Variants in CRYAB observed in about 807,000 individuals in gnomAD.
The protein encoded by CRYAB is crystallin alpha B, also known as alpha-crystallin B chain.
In CRYAB, 9 loss-of-function variants were observed where a neutral mutation model predicts 12.7. The observed-to-expected ratio is 0.71, with a 90% CI of 0.43 to 1.24. The LOEUF (loss-of-function observed/expected upper bound fraction) is 1.24, where lower values mean the gene tolerates loss of function less well. Among genes scored for constraint, CRYAB ranks in the 50% most tolerant of loss-of-function variants. The pLI, the probability that CRYAB is intolerant of heterozygous loss-of-function variation, is 0.00. For missense variants in CRYAB, 183 were observed against 226.6 expected (o/e 0.81, Z 1.24); for synonymous variants, 93 against 86.8 (o/e 1.07, Z -0.40).
chr11:111,912,746 C>T, upstream of CRYAB: 1 of 1,112,568 alleles, frequency 9.0e-7, no homozygotes, highest in South Asian at 1.4e-5. Context: ...CCTATCGAGC[C>T]CTGGCTCTCC....
chr11:111,912,710 G>T, upstream of CRYAB: 113 of 360,858 alleles, frequency 3.1e-4, no homozygotes, highest in East Asian at 9.5e-4. Flanking sequence ...GCACTATTTT[G>T]GGTGGTGTCG....
intron 1 of CRYAB, chr11:111,918,687 TA>T: frequency 1.5e-6 from 1 of 684,464 alleles, no homozygotes; most frequent in Non-Finnish European, 2.7e-6. Flanking sequence ...GGTTTCTTTT[TA>T]TTGAAGCTTG....
intron 1 of CRYAB, 23 bp downstream of exon 1, chr11:111,911,501 G>A (rs372923942): frequency 1.1e-4 from 175 of 1,595,766 alleles, no homozygotes; most frequent in African/African-American, 8.4e-4. Flanking sequence ...GGACTCTCCC[G>A]TCCTAGCTGT....
intron 1 of CRYAB, among the ~76,000 whole-genome samples, chr11:111,921,615 A>C (rs1438088606): frequency 1.3e-5 from 2 of 152,208 alleles, no homozygotes; most frequent in Non-Finnish European, 2.9e-5. Context: ...AGCACAGAAA[A>C]GCTTCTAGAG....
upstream of CRYAB, among the ~76,000 whole-genome samples, chr11:111,917,084 G>C (rs1403661819): frequency 6.6e-6 from 1 of 152,030 alleles, no homozygotes; most frequent in Non-Finnish European, 1.5e-5. Flanking sequence ...GGTTGATCTT[G>C]AACTCCTGGG....
rs1029549408 is a variant in CRYAB, at chr11:111,909,382, A to T, written c.325-415T>A. ...AACAATAGGACTGCTGCTGAAATTAAAAAAAAAAAAAAATGACTCCATCCA... is the reference window on the plus strand; with the variant it reads ...AACAATAGGACTGCTGCTGAAATTATAAAAAAAAAAAAATGACTCCATCCA... On this transcript the variant is annotated intron_variant, in intron 2 of 2. Coordinates refer to ENST00000650687, the MANE Select transcript of CRYAB (RefSeq NM_001289808.2). 45 of 70,800 alleles carry T rather than the reference A, an allele frequency of 6.4e-4. 1 individual carries two copies. The highest frequency in any genetic ancestry group is 2.5e-3 in the Middle Eastern group (2 of 800). 4.4% of individuals were successfully genotyped at this position (70,800 alleles called of 1,614,324 possible). A position where few individuals can be genotyped will look rare whatever the true frequency, so the allele number is the denominator to read the frequency against.
upstream of CRYAB, chr11:111,913,491 G>A: frequency 6.2e-7 from 1 of 1,613,270 alleles, no homozygotes; most frequent in South Asian, 1.1e-5. Flanking sequence ...TGGCTACTAT[G>A]TCCGGCCTCG....
intron 1 of CRYAB, chr11:111,918,738 C>G: frequency 1.5e-6 from 1 of 682,312 alleles, no homozygotes; most frequent in Non-Finnish European, 2.7e-6. Flanking sequence ...CGCTTCAAAT[C>G]CTGAAGTTGA....
At chr11:111,918,704 C>G (rs1555166262) in intron 1 of CRYAB, 1 of 683,640 alleles carries the variant, frequency 1.5e-6, no homozygotes, top group East Asian at 2.7e-5. Flanking sequence ...GCTTGAAGCT[C>G]AAGTTCATGG....
Position 111,908,707 on chromosome 11 carries a change from T to A in CRYAB, c.*57A>T. 3 of 1,566,714 alleles carry A rather than the reference T, an allele frequency of 1.9e-6. No individual in the cohort carries two copies. Among genetic ancestry groups the A allele is most frequent in the Non-Finnish European group, 2.6e-6 (3 of 1,139,192 alleles). On this transcript the variant is annotated 3_prime_UTR_variant, in exon 3 of 3. Transcript: ENST00000650687. ...AGCTTCAGCACTAGTCACAAGACTTTCATTCACTGGTGGGGAAACTTTCTT... is the reference window on the plus strand; with the variant it reads ...AGCTTCAGCACTAGTCACAAGACTTACATTCACTGGTGGGGAAACTTTCTT...
chr11:111,910,819 AGTTTT>A, intron 1 of CRYAB: 3 of 346,076 alleles, frequency 8.7e-6, no homozygotes, highest in South Asian at 2.7e-5. Context: ...TCTCTTTGCC[AGTTTT>A]CCACCCACCC....
intron 1 of CRYAB, chr11:111,918,533 G>A (rs1253547623): frequency 1.3e-5 from 6 of 459,282 alleles, no homozygotes; most frequent in South Asian, 5.1e-5. Flanking sequence ...CAATTGCCTC[G>A]AAAGTGAAAC....
upstream of CRYAB, among the ~76,000 whole-genome samples, chr11:111,915,749 T>C (rs1175606786): frequency 3.9e-5 from 6 of 152,198 alleles, no homozygotes; most frequent in Non-Finnish European, 8.8e-5. Context: ...CCATGTTCTT[T>C]CTTTTCTTTT....
intron 1 of CRYAB, among the ~76,000 whole-genome samples, chr11:111,920,699 G>A (rs1039782972): frequency 4.6e-5 from 7 of 152,162 alleles, no homozygotes; most frequent in Non-Finnish European, 1.0e-4. Context: ...TGGGGGTAGA[G>A]GCTGCAGTGA....
upstream of CRYAB, among the ~76,000 whole-genome samples, chr11:111,914,909 C>CAAAATTAAAA: frequency 6.6e-6 from 1 of 152,044 alleles, no homozygotes; most frequent in East Asian, 1.9e-4. Flanking sequence ...AACCTTGTCT[C>CAAAATTAAAA]TACAAAAAAA....
chr11:111,918,744 G>A, intron 1 of CRYAB: 1 of 683,126 alleles, frequency 1.5e-6, no homozygotes, highest in Non-Finnish European at 2.7e-6. Context: ...AAATCCTGAA[G>A]TTGAGATAGC....
At chr11:111,923,179 CAGCAGTAACATAA>C (rs1470744283) in intron 1 of CRYAB, among the ~76,000 whole-genome samples, 2 of 152,172 alleles carry the variant, frequency 1.3e-5, no homozygotes, top group East Asian at 3.8e-4. Context: ...GCTGACTGAG[CAGCAGTAACATAA>C]AGCAAGAGCT....
chr11:111,908,919 G>A lies in CRYAB; in HGVS notation c.373C>T (p.Pro125Ser), dbSNP rs374661019. 4 of 1,614,054 alleles carry A rather than the reference G, an allele frequency of 2.5e-6. No homozygotes were observed. In the African/African-American group the frequency reaches 4.0e-5, roughly 16 times the overall value. Residue 125 changes from proline to serine, a missense_variant, in exon 3 of 3, where the codon CCA becomes TCA. Coordinates refer to ENST00000650687, the MANE Select transcript of CRYAB (RefSeq NM_001289808.2). ...SREFHRKYRI[P>S]ADVDPLTITS... is the part of the protein sequence containing the mutation. ...ATGGTGAGAGGGTCTACATCAGCTG[G>A]GATCCGGTATTTCCTGTGGAACTCC...
upstream of CRYAB, chr11:111,913,357 C>A: frequency 1.9e-6 from 2 of 1,066,038 alleles, no homozygotes; most frequent in Non-Finnish European, 2.8e-6. Flanking sequence ...TCTTCCCAAT[C>A]CCTCCTCTCC....
Sources: allele counts gnomAD v4.1 joint callset (sites outside exome capture counted in the v4.1 genomes callset), GRCh38; gene constraint gnomAD v4.1.1; transcripts MANE v1.5; gene names NCBI Gene and HGNC (gene_info 2026-07-23, HGNC 2026-07-21).